RGS6: variants seen among roughly 807,000 people sequenced by gnomAD.
RGS6 encodes regulator of G-protein signaling 6.
RGS6 carries 30 observed loss-of-function variants against 78.5 expected under a neutral mutation model. The ratio of observed to expected loss-of-function variants is 0.38; its 90% CI spans 0.29 to 0.52. The LOEUF is 0.52. Ranked by LOEUF, RGS6 falls within the 20% of genes least tolerant of loss-of-function variation. The pLI is 0.85. For missense variants in RGS6, 495 were observed against 609.7 expected, an observed-to-expected ratio of 0.81 and a Z score of 1.98; for synonymous variants, 206 against 206.0, an observed-to-expected ratio of 1.00 and a Z score of 0.00.
At chr14:72,056,224 C>A (rs753700242) in intron 2 of RGS6, among the ~76,000 whole-genome samples, 1 of 152,140 alleles carries the variant, frequency 6.6e-6, no homozygotes, top group Non-Finnish European at 1.5e-5. Context: ...AAGAAGCCTG[C>A]GCCGTGTCAC....
intron 3 of RGS6, among the ~76,000 whole-genome samples, chr14:72,363,922 T>A (rs1368739447): frequency 7.7e-6 from 1 of 130,122 alleles, no homozygotes; most frequent in Non-Finnish European, 1.6e-5. Context: ...AACTCAAGAA[T>A]CTGAAAAACA....
downstream of RGS6, among the ~76,000 whole-genome samples, chr14:72,567,980 CT>C (rs1192818367): frequency 1.3e-5 from 2 of 152,236 alleles, no homozygotes; most frequent in Non-Finnish European, 2.9e-5. Flanking sequence ...GCAGGGCCCC[CT>C]GGCCAAAAAG....
At chr14:72,341,193 G>T (rs10711066) in intron 2 of RGS6, among the ~76,000 whole-genome samples, 70,447 of 151,740 alleles carry the variant, frequency 0.46, 16,651 homozygotes, top group South Asian at 0.59. Context: ...GAAACTTACA[G>T]TCATAGTGGA....
At chr14:72,459,228 A>G (rs1225098961) in intron 5 of RGS6, among the ~76,000 whole-genome samples, 2 of 152,192 alleles carry the variant, frequency 1.3e-5, no homozygotes, top group Non-Finnish European at 2.9e-5. Context: ...GAATGAGGGC[A>G]GAGGATATGG....
chr14:72,352,079 C>A lies in RGS6; in HGVS notation c.85-16C>A. 1 of 1,590,810 alleles carries A rather than the reference C, an allele frequency of 6.3e-7. No individual in the cohort carries two copies. The highest frequency in any genetic ancestry group is 8.6e-7 in the Non-Finnish European group (1 of 1,163,256). ...TATGGGAGAAAATAACACTTCTTTT[C>A]TTTAACCTCTTTCAGATTGAAGACA... On this transcript the variant is annotated splice_polypyrimidine_tract_variant and intron_variant, in intron 2 of 17. Coordinates refer to ENST00000553525, the MANE Select transcript of RGS6 (RefSeq NM_001204424.2).
the RGS6 span, chr14:71,908,223 A>G: frequency 6.6e-6 from 1 of 152,250 alleles, no homozygotes; most frequent in African/African-American, 2.4e-5. Flanking sequence ...AATTTAGGAA[A>G]CATTAGGTTT....
At chr14:72,382,917 A>G (rs1596502528) in intron 3 of RGS6, among the ~76,000 whole-genome samples, 1 of 152,080 alleles carries the variant, frequency 6.6e-6, no homozygotes, top group African/African-American at 2.4e-5. Context: ...GTAAAAATAC[A>G]TACTTGAAAA....
chr14:72,266,498 G>A (rs529454565), intron 2 of RGS6, among the ~76,000 whole-genome samples: 2 of 152,210 alleles, frequency 1.3e-5, no homozygotes, highest in African/African-American at 4.8e-5. Flanking sequence ...TCTTCCACAC[G>A]TGCCTCCTCC....
At chr14:72,353,994 A>ACAG (rs1271969931) in intron 3 of RGS6, among the ~76,000 whole-genome samples, 2 of 151,416 alleles carry the variant, frequency 1.3e-5, no homozygotes, top group African/African-American at 4.9e-5. Flanking sequence ...AGCAACAACA[A>ACAG]CAACAACAAC....
intron 2 of RGS6, among the ~76,000 whole-genome samples, chr14:72,040,644 G>A (rs1018147279): frequency 6.6e-6 from 1 of 151,994 alleles, no homozygotes; most frequent in Non-Finnish European, 1.5e-5. Flanking sequence ...GAATTTAGAT[G>A]TTCTTTTTCC....
intron 2 of RGS6, among the ~76,000 whole-genome samples, chr14:72,183,011 G>C (rs1012237443): frequency 6.6e-6 from 1 of 152,162 alleles, no homozygotes; most frequent in Non-Finnish European, 1.5e-5. Flanking sequence ...ACATGGTAAG[G>C]TCCCAGAAAC....
intron 15 of RGS6, among the ~76,000 whole-genome samples, chr14:72,535,431 G>A (rs2153496945): frequency 6.6e-6 from 1 of 152,302 alleles, no homozygotes; most frequent in Admixed American, 6.5e-5. Context: ...TTCTGATGCA[G>A]TTATAAGAAA....
intron 2 of RGS6, among the ~76,000 whole-genome samples, chr14:72,221,219 A>G (rs2046792009): frequency 6.6e-6 from 1 of 152,234 alleles, no homozygotes; most frequent in African/African-American, 2.4e-5. Flanking sequence ...CCAAAAAATC[A>G]CAAGATTTTG....
intron 2 of RGS6, among the ~76,000 whole-genome samples, chr14:72,093,641 A>G (rs2095335128): frequency 6.6e-6 from 1 of 152,086 alleles, no homozygotes; most frequent in Admixed American, 6.5e-5. Context: ...CATTGCTCTA[A>G]TGTATCTAGT....
At chr14:72,169,956 G>C (rs1216297195) in intron 2 of RGS6, among the ~76,000 whole-genome samples, 1 of 152,166 alleles carries the variant, frequency 6.6e-6, no homozygotes, top group Non-Finnish European at 1.5e-5. Context: ...ATTGCCCTTT[G>C]AGATGACAGA....
chr14:72,417,640 G>A (rs529878950), intron 3 of RGS6, among the ~76,000 whole-genome samples: 1 of 152,344 alleles, frequency 6.6e-6, no homozygotes, highest in East Asian at 1.9e-4. Flanking sequence ...TCATTAGCCA[G>A]ATGACCTTGG....
rs1327020041 is a variant in RGS6 at position 72,380,480 on chromosome 14, AC to A, written c.184+28288del. 1.0e-4 allele frequency among the ~76,000 whole-genome samples: 15 copies of A among 145,418 alleles called. No homozygotes were observed. In the East Asian group the frequency reaches 1.4e-3, roughly 14 times the overall value. ...AATATCTTGACAGCAAAAAAAAAAA[AC>A]CGAACAATCCAATTTTAAAATGGGC... On this transcript the variant is annotated intron_variant, in intron 3 of 17. Coordinates refer to ENST00000553525, the MANE Select transcript of RGS6 (RefSeq NM_001204424.2).
At chr14:72,573,183 A>C in the RGS6 span, among the ~76,000 whole-genome samples, 1 of 152,242 alleles carries the variant, frequency 6.6e-6, no homozygotes, top group Non-Finnish European at 1.5e-5. Flanking sequence ...CTTATAGGAA[A>C]AAAGGAATTT....
chr14:72,548,476 T>C (rs1191044103), intron 17 of RGS6, among the ~76,000 whole-genome samples: 1 of 152,132 alleles, frequency 6.6e-6, no homozygotes, highest in African/African-American at 2.4e-5. Flanking sequence ...ATAAGCTTAG[T>C]GTAAGCAAAT....
Sources: gnomAD v4.1 joint callset for allele counts (sites outside exome capture counted in the v4.1 genomes callset) on GRCh38, gnomAD v4.1.1 for gene constraint, MANE v1.5 for transcripts, NCBI Gene and HGNC (gene_info 2026-07-23, HGNC 2026-07-21) for gene names.